The following VTA1 variants were observed in gnomAD, a reference collection of about 807,000 sequenced individuals.
The protein encoded by VTA1 is vesicle trafficking 1, also known as vacuolar protein sorting-associated protein VTA1 homolog.
A neutral mutation model predicts 36.9 loss-of-function variants in VTA1; 24 were observed. That is an observed-to-expected ratio of 0.65 (90% CI 0.47 to 0.91). The LOEUF (loss-of-function observed/expected upper bound fraction) is 0.91, where lower values mean the gene tolerates loss of function less well. Ranked by LOEUF, VTA1 falls within the 40% of genes least tolerant of loss-of-function variation. The probability of loss-of-function intolerance (pLI) is 0.00; values close to 1 mark genes in which losing one functional copy is unlikely to be tolerated. For synonymous variants in VTA1, 142 were observed against 130.2 expected, an observed-to-expected ratio of 1.09 and a Z score of -0.62; for missense variants, 393 against 377.2, an observed-to-expected ratio of 1.04 and a Z score of -0.35.
chr6:142,170,478 T>C, intron 4 of VTA1, 57 bp downstream of exon 4: 1 of 1,198,572 alleles, frequency 8.3e-7, no homozygotes, highest in Admixed American at 2.2e-5. Flanking sequence ...TTTCTGTTTA[T>C]CAATATTGTT....
intron 5 of VTA1, among the ~76,000 whole-genome samples, chr6:142,194,875 C>T (rs538097991): frequency 8.5e-4 from 129 of 152,104 alleles, no homozygotes; most frequent in African/African-American, 2.9e-3. Flanking sequence ...TGAATTTTGT[C>T]AAGTGCTTTT....
chr6:142,197,607 T>C (rs1263200468), intron 5 of VTA1, among the ~76,000 whole-genome samples: 1 of 152,220 alleles, frequency 6.6e-6, no homozygotes, highest in Non-Finnish European at 1.5e-5. Flanking sequence ...CCTCTGTTTT[T>C]ATTAGCTAAA....
At position 142,155,995 on chromosome 6, in the gene VTA1, G is replaced by A. The variant is rs1778654178; in HGVS notation, c.112+8596G>A. Among the ~76,000 whole-genome samples the A allele has an allele frequency of 2.6e-5, 4 of 152,154 alleles. No individual in the cohort carries two copies. In the South Asian group the frequency reaches 6.2e-4, roughly 24 times the overall value. On this transcript the variant is annotated intron_variant, in intron 1 of 7. Coordinates refer to ENST00000367630, the MANE Select transcript of VTA1 (RefSeq NM_016485.5). ...CCACTAGAGATATTTACATAATAAA[G>A]AACAGGTGCTCAAAAAGTGTTAGCC...
chr6:142,181,761 TATTTAA>T (rs1775245682), intron 4 of VTA1, among the ~76,000 whole-genome samples: 1 of 152,134 alleles, frequency 6.6e-6, no homozygotes. Context: ...AGAGGAGTTA[TATTTAA>T]GTCTTTGTGT....
intron 4 of VTA1, among the ~76,000 whole-genome samples, chr6:142,181,652 C>T (rs1468083697): frequency 2.7e-5 from 4 of 149,204 alleles, no homozygotes; most frequent in Admixed American, 6.7e-5. Flanking sequence ...CTTTTCTTAC[C>T]CCAGTAGATT....
chr6:142,158,712 T>A (rs1291841582), intron 1 of VTA1, among the ~76,000 whole-genome samples: 1 of 152,198 alleles, frequency 6.6e-6, no homozygotes, highest in African/African-American at 2.4e-5. Context: ...TTTCTCCTTT[T>A]TCTGCCTTTT....
At chr6:142,187,912 C>CTTTTTTTT (rs58131768) in intron 4 of VTA1, among the ~76,000 whole-genome samples, 7 of 120,692 alleles carry the variant, frequency 5.8e-5, no homozygotes, top group Non-Finnish European at 8.4e-5. Context: ...TACTTTCTTT[C>CTTTTTTTT]TTTTTTTTTT....
intron 1 of VTA1, among the ~76,000 whole-genome samples, chr6:142,156,646 A>G (rs569101806): frequency 4.5e-4 from 69 of 152,334 alleles, no homozygotes; most frequent in African/African-American, 1.6e-3. Context: ...AGGGGGTGAC[A>G]TTGTAAAGTT....
chr6:142,173,384 C>T (rs925796024), intron 4 of VTA1, among the ~76,000 whole-genome samples: 2 of 152,192 alleles, frequency 1.3e-5, no homozygotes, highest in Non-Finnish European at 2.9e-5. Flanking sequence ...ATCAGAATGC[C>T]ACATGGTTTA....
chr6:142,195,782 CTT>C (rs1224117864), intron 5 of VTA1, among the ~76,000 whole-genome samples: 1 of 151,608 alleles, frequency 6.6e-6, no homozygotes. Flanking sequence ...GTGATTTCTT[CTT>C]TGAGTAATGG....
chr6:142,177,306 T>C (rs225667), intron 4 of VTA1, among the ~76,000 whole-genome samples: 60,365 of 152,110 alleles, frequency 0.4, 13,676 homozygotes, highest in Middle Eastern at 0.54. Context: ...AGTGCAGGCA[T>C]TGGGCCTCCA....
At chr6:142,155,538 G>A (rs1191459966) in intron 1 of VTA1, among the ~76,000 whole-genome samples, 1 of 152,252 alleles carries the variant, frequency 6.6e-6, no homozygotes, top group East Asian at 1.9e-4. Context: ...GTGGAATACG[G>A]AATTATTATA....
chr6:142,165,935 A>G (rs530425242), intron 1 of VTA1, among the ~76,000 whole-genome samples: 71 of 150,640 alleles, frequency 4.7e-4, no homozygotes, highest in African/African-American at 1.7e-3. Context: ...TGTCTTACCA[A>G]TTAAATTATA....
At chr6:142,203,848 T>A (rs1314422029) in intron 6 of VTA1, 137 bp from the exon 7 acceptor site, 2 of 660,242 alleles carry the variant, frequency 3.0e-6, no homozygotes, top group Non-Finnish European at 5.3e-6. Context: ...CAACTAAGTA[T>A]GTCAAGTTAG....
At chr6:142,160,788 A>G (rs1774787599) in intron 1 of VTA1, among the ~76,000 whole-genome samples, 2 of 152,180 alleles carry the variant, frequency 1.3e-5, no homozygotes, top group Admixed American at 1.3e-4. Flanking sequence ...CAAGGCCAGA[A>G]GTAGAATCTG....
chr6:142,215,629 G>C (rs1443428146), intron 7 of VTA1, among the ~76,000 whole-genome samples: 1 of 152,000 alleles, frequency 6.6e-6, no homozygotes, highest in East Asian at 1.9e-4. Flanking sequence ...CCAAGTCAAA[G>C]GATAATAGAG....
Position 142,224,241 on chromosome 6 carries a change from C to A in VTA1, c.*5598C>A, listed in dbSNP as rs1469507958. 1.3e-5 allele frequency: 2 copies of A among 152,212 alleles called. No individual in the cohort carries two copies. The highest frequency in any genetic ancestry group is 2.1e-4 in the South Asian group (1 of 4,820). 9.4% of individuals were successfully genotyped at this position (152,212 alleles called of 1,614,324 possible). On this transcript the variant is annotated 3_prime_UTR_variant, in exon 8 of 8. Coordinates refer to ENST00000367630, the MANE Select transcript of VTA1 (RefSeq NM_016485.5). ...CGCAGAGGCTCGAATATGCTCTCAA[C>A]CCTATCAGTTGCCTGCTTTAATTCA...
At chr6:142,212,396 A>T (rs1229472590) in intron 7 of VTA1, among the ~76,000 whole-genome samples, 7 of 152,228 alleles carry the variant, frequency 4.6e-5, no homozygotes, top group African/African-American at 1.7e-4. Flanking sequence ...GCATATTACA[A>T]AGTGAAAGGA....
intron 4 of VTA1, among the ~76,000 whole-genome samples, chr6:142,186,940 C>A (rs974557024): frequency 1.3e-5 from 2 of 151,852 alleles, no homozygotes; most frequent in African/African-American, 4.8e-5. Flanking sequence ...GATGTATGAA[C>A]TTGAGATGGA....
Sources: allele counts gnomAD v4.1 joint callset (sites outside exome capture counted in the v4.1 genomes callset), GRCh38; gene constraint gnomAD v4.1.1; transcripts MANE v1.5; gene names NCBI Gene and HGNC (gene_info 2026-07-23, HGNC 2026-07-21).